TMEM17: variants seen among roughly 807,000 people sequenced by gnomAD.
TMEM17 encodes the protein transmembrane protein 17.
TMEM17 carries 15 observed loss-of-function variants against 19.1 expected under a neutral mutation model. That is an observed-to-expected ratio of 0.78 (90% CI 0.52 to 1.21). TMEM17 has a LOEUF of 1.21. TMEM17 is among the 50% of genes most tolerant of loss of function. The pLI is 0.00. For synonymous variants in TMEM17, 103 were observed against 86.9 expected (o/e 1.19, Z -1.03); for missense variants, 245 against 242.3 (o/e 1.01, Z -0.07).
At chr2:62,456,488 T>C in the TMEM17 span, among the ~76,000 whole-genome samples, 1,119 of 152,350 alleles carry the variant, frequency 7.3e-3, 34 homozygotes, top group Admixed American at 0.046. Context: ...GAAGGACCCT[T>C]GTGATTACAT....
chr2:62,462,144 T>A, the TMEM17 span, among the ~76,000 whole-genome samples: 1 of 152,172 alleles, frequency 6.6e-6, no homozygotes, highest in Admixed American at 6.5e-5. Context: ...CTGTCACCCT[T>A]AGCCCTGGTC....
At chr2:62,464,289 G>A in the TMEM17 span, among the ~76,000 whole-genome samples, 1 of 152,216 alleles carries the variant, frequency 6.6e-6, no homozygotes, top group African/African-American at 2.4e-5. Context: ...TGGGGCTTTT[G>A]GGGGTCACAG....
chr2:62,460,194 C>T, the TMEM17 span, among the ~76,000 whole-genome samples: 3 of 152,190 alleles, frequency 2.0e-5, no homozygotes, highest in Admixed American at 2.0e-4. Context: ...GCTGCTGTGA[C>T]CTTATTTAAT....
the TMEM17 span, among the ~76,000 whole-genome samples, chr2:62,477,477 CCT>C: frequency 4.6e-3 from 702 of 152,308 alleles, 7 homozygotes; most frequent in African/African-American, 0.016. Context: ...CCCACTGGCC[CCT>C]GTTTGAGGGT....
chr2:62,489,473 C>T, the TMEM17 span, among the ~76,000 whole-genome samples: 1 of 152,156 alleles, frequency 6.6e-6, no homozygotes, highest in Non-Finnish European at 1.5e-5. Flanking sequence ...CTGCCTGTAT[C>T]CTGCGATTGG....
rs780979828 is a variant in TMEM17 at position 62,501,178 on chromosome 2, A to G, written c.*31T>C. The G allele has an allele frequency of 1.9e-6, 3 of 1,600,314 alleles. No individual in the cohort carries two copies. The highest frequency in any genetic ancestry group is 1.7e-5 in the Admixed American group (1 of 58,860). On this transcript the variant is annotated 3_prime_UTR_variant, in exon 4 of 4. Coordinates refer to ENST00000335390, the MANE Select transcript of TMEM17 (RefSeq NM_198276.3). ...CCTAACTCTTACAGTCTCTAGAATG[A>G]TCTGTCAGATTTTCACTCAACAACA...
At chr2:62,504,771 A>G (rs187697630) in intron 1 of TMEM17, among the ~76,000 whole-genome samples, 8 of 152,370 alleles carry the variant, frequency 5.3e-5, no homozygotes, top group Admixed American at 4.6e-4. Flanking sequence ...TCACGTTTAA[A>G]TGGTTAAAAA....
the TMEM17 span, among the ~76,000 whole-genome samples, chr2:62,462,671 A>G: frequency 4.6e-5 from 7 of 152,348 alleles, no homozygotes; most frequent in East Asian, 1.2e-3. Flanking sequence ...CCTACCAATG[A>G]GTTGCAGTGA....
At chr2:62,495,218 T>A (rs1042671030), downstream of TMEM17, among the ~76,000 whole-genome samples, 1 of 152,212 alleles carries the variant, frequency 6.6e-6, no homozygotes, top group African/African-American at 2.4e-5. Context: ...TTTCATAGAA[T>A]ATATGTTCCA....
downstream of TMEM17, among the ~76,000 whole-genome samples, chr2:62,498,414 A>G (rs555234481): frequency 4.1e-5 from 6 of 147,142 alleles, no homozygotes; most frequent in Non-Finnish European, 1.5e-5. Flanking sequence ...AAACAGAAAT[A>G]AATAAAAATA....
chr2:62,457,106 G>T, the TMEM17 span, among the ~76,000 whole-genome samples: 1 of 152,234 alleles, frequency 6.6e-6, no homozygotes, highest in Non-Finnish European at 1.5e-5. This position sits in a 1 kb window ranked among gnomAD's most constrained non-coding sequence, Gnocchi z 4.2. Flanking sequence ...GCGATCTCTC[G>T]CGCGGCCAGC....
chr2:62,497,546 CA>C (rs140439546), downstream of TMEM17, among the ~76,000 whole-genome samples: 27,329 of 151,998 alleles, frequency 0.18, 2,906 homozygotes, highest in Non-Finnish European at 0.24. Flanking sequence ...CTTTAAATCT[CA>C]AGTGTCACTT....
chr2:62,480,004 T>C, the TMEM17 span, among the ~76,000 whole-genome samples: 1 of 152,014 alleles, frequency 6.6e-6, no homozygotes, highest in Non-Finnish European at 1.5e-5. Context: ...TTCTGCATAG[T>C]AGTTTTATTA....
chr2:62,484,050 C>T, the TMEM17 span, among the ~76,000 whole-genome samples: 2 of 152,238 alleles, frequency 1.3e-5, no homozygotes, highest in African/African-American at 4.8e-5. Context: ...CAGTTATCAC[C>T]ATTTTAAAGC....
chr2:62,469,394 C>T, the TMEM17 span, among the ~76,000 whole-genome samples: 1 of 152,210 alleles, frequency 6.6e-6, no homozygotes, highest in Non-Finnish European at 1.5e-5. Context: ...CATTTTCAAA[C>T]TGCATGGGCT....
chr2:62,463,047 C>T, the TMEM17 span: 1 of 152,336 alleles, frequency 6.6e-6, no homozygotes, highest in African/African-American at 2.4e-5. Context: ...GTGGCCTTTT[C>T]AATCCTTCCA....
At chr2:62,466,083 C>A in the TMEM17 span, among the ~76,000 whole-genome samples, 7 of 152,288 alleles carry the variant, frequency 4.6e-5, no homozygotes, top group African/African-American at 1.7e-4. Flanking sequence ...GGGGTCCCCA[C>A]TACCCTGCAG....
chr2:62,479,270 A>G, the TMEM17 span, among the ~76,000 whole-genome samples: 92,836 of 151,954 alleles, frequency 0.61, 28,452 homozygotes, highest in South Asian at 0.74. Flanking sequence ...TTTTACTTCT[A>G]TGAGATCAAC....
At chr2:62,498,438 C>T (rs918361873), downstream of TMEM17, among the ~76,000 whole-genome samples, 4 of 149,460 alleles carry the variant, frequency 2.7e-5, no homozygotes, top group East Asian at 2.0e-4. Context: ...TAATTTTGGC[C>T]GGGCGCGGTG....
Sources: gnomAD v4.1 joint callset for allele counts (sites outside exome capture counted in the v4.1 genomes callset) on GRCh38, gnomAD v4.1.1 for gene constraint, Gnocchi (gnomAD v3.1) non-coding constraint, MANE v1.5 for transcripts, NCBI Gene and HGNC (gene_info 2026-07-23, HGNC 2026-07-21) for gene names.